CACNB4: variants seen among roughly 807,000 people sequenced by gnomAD.
The protein encoded by CACNB4 is voltage-dependent L-type calcium channel subunit beta-4.
Under a neutral mutation model 71.2 loss-of-function variants are expected in CACNB4, and 32 were observed. That is an observed-to-expected ratio of 0.45 (90% CI 0.34 to 0.60). The LOEUF (loss-of-function observed/expected upper bound fraction) is 0.60, where lower values mean the gene tolerates loss of function less well. CACNB4 is among the 20% of genes least tolerant of loss of function. CACNB4 has a pLI of 0.01. For missense variants in CACNB4, 464 were observed against 647.9 expected (o/e 0.72, Z 3.08); for synonymous variants, 231 against 236.9 (o/e 0.97, Z 0.23).
chr2:151,875,741 G>A (rs2099845942), intron 5 of CACNB4, among the ~76,000 whole-genome samples: 1 of 102,344 alleles, frequency 9.8e-6, no homozygotes, highest in South Asian at 4.2e-4. Flanking sequence ...CCCAGTAGGG[G>A]CGGCCGGGCA....
chr2:151,883,254 T>C lies in CACNB4; in HGVS notation c.264A>G (p.Ala88=). 6.2e-7 allele frequency: 1 copy of C among 1,613,958 alleles called. No homozygotes were observed. Among genetic ancestry groups the C allele is most frequent in the Non-Finnish European group, 8.5e-7 (1 of 1,179,838 alleles). The change falls in exon 3 of 14, where the codon GCA becomes GCG. Residue 88 remains alanine, a synonymous_variant. Coordinates refer to ENST00000539935, the MANE Select transcript of CACNB4 (RefSeq NM_000726.5). ...EQQAAIQLER[A]KSKPVAFAVK... ...AAAGAGAAGGAAAGAGACTCACCTT[T>C]GCTCTCTCAAGCTGGATAGCTGCTT...
rs70974816 is a variant in CACNB4, at chr2:152,001,526, T to TA, written c.147+96803dup. 6.8e-3 allele frequency among the ~76,000 whole-genome samples: 242 copies of TA among 35,484 alleles called. 26 individuals are homozygous for TA. The highest frequency in any genetic ancestry group is 0.012 in the South Asian group (5 of 434). The allele number at this position is 35,484 out of a possible 152,430, so 23.3% of individuals were successfully genotyped here. A position where few individuals can be genotyped will look rare whatever the true frequency, so the allele number is the denominator to read the frequency against. On this transcript the variant is annotated intron_variant, in intron 2 of 13. Coordinates refer to ENST00000539935, the MANE Select transcript of CACNB4 (RefSeq NM_000726.5). ...CAACATGGTGAAACCCCATCTCTACTAAAAAAAAAAAAAAAAAAAAAAAAA... is the reference window on the plus strand; with the variant it reads ...CAACATGGTGAAACCCCATCTCTACTAAAAAAAAAAAAAAAAAAAAAAAAAA...
At chr2:151,944,903 T>G (rs1020900449) in intron 2 of CACNB4, among the ~76,000 whole-genome samples, 2 of 152,180 alleles carry the variant, frequency 1.3e-5, no homozygotes, top group African/African-American at 4.8e-5. Flanking sequence ...GTAGCAGTAA[T>G]CCAGTTGTGA....
chr2:151,964,915 G>T (rs2099870665), intron 2 of CACNB4, among the ~76,000 whole-genome samples: 1 of 145,994 alleles, frequency 6.8e-6, no homozygotes, highest in African/African-American at 2.6e-5. Context: ...TTCACAAAGG[G>T]CCCTGTGCAT....
At chr2:151,936,600 T>G (rs551264402) in intron 2 of CACNB4, among the ~76,000 whole-genome samples, 1 of 152,376 alleles carries the variant, frequency 6.6e-6, no homozygotes, top group African/African-American at 2.4e-5. Context: ...GTGCCTCGGA[T>G]GTCCTGTGGT....
intron 2 of CACNB4, among the ~76,000 whole-genome samples, chr2:151,986,275 T>G (rs1579076227): frequency 1.3e-5 from 2 of 152,336 alleles, no homozygotes; most frequent in East Asian, 3.9e-4. Flanking sequence ...CTGATATGCC[T>G]TTTACTTATA....
chr2:151,901,585 CAAAA>C lies in CACNB4; in HGVS notation c.148-18219_148-18216del, dbSNP rs376258449. Among the ~76,000 whole-genome samples the C allele has an allele frequency of 4.1e-3, 624 of 151,670 alleles. 5 individuals are homozygous for C. Among genetic ancestry groups the C allele is most frequent in the African/African-American group, 0.014 (586 of 41,364 alleles). On this transcript the variant is annotated intron_variant, in intron 2 of 13. Coordinates refer to ENST00000539935, the MANE Select transcript of CACNB4 (RefSeq NM_000726.5). Reference sequence around the variant, plus strand: ...TTAGAAAAAAAACAAAACAAACAAACAAAAAAAACCTCCTTACTAGAAAAGATCA... The same window carrying C: ...TTAGAAAAAAAACAAAACAAACAAACAAAACCTCCTTACTAGAAAAGATCA...
intron 12 of CACNB4, 85 bp from the exon 13 acceptor site, chr2:151,842,173 C>G: frequency 9.0e-7 from 1 of 1,109,668 alleles, no homozygotes; most frequent in Non-Finnish European, 1.3e-6. Context: ...CAGATAATAG[C>G]ATTTTTAATA....
chr2:151,857,379 C>A (rs1026868470), intron 10 of CACNB4: 2 of 152,196 alleles, frequency 1.3e-5, no homozygotes, highest in Admixed American at 6.5e-5. Flanking sequence ...GGAAAGGTGA[C>A]TAGCTTTCAG....
intron 2 of CACNB4, among the ~76,000 whole-genome samples, chr2:151,974,387 T>C (rs883170): frequency 0.061 from 9,292 of 152,006 alleles, 555 homozygotes; most frequent in Admixed American, 0.19. Context: ...AAGAAAAAAA[T>C]GACTAGAATA....
chr2:151,996,514 GCT>G (rs1682056046), intron 2 of CACNB4, among the ~76,000 whole-genome samples: 1 of 151,056 alleles, frequency 6.6e-6, no homozygotes, highest in Admixed American at 6.6e-5. Context: ...GAACTCAGAA[GCT>G]CTTAGTCTTA....
At chr2:152,088,294 TG>T (rs1687778629) in intron 2 of CACNB4, among the ~76,000 whole-genome samples, 1 of 152,102 alleles carries the variant, frequency 6.6e-6, no homozygotes, top group Admixed American at 6.6e-5. Flanking sequence ...GCAATAGCAT[TG>T]GGCCATTTAA....
intron 2 of CACNB4, among the ~76,000 whole-genome samples, chr2:151,933,369 C>T (rs189171495): frequency 2.0e-5 from 3 of 151,892 alleles, no homozygotes; most frequent in Non-Finnish European, 4.4e-5. Context: ...GCATCCTGAC[C>T]ATGTCTCACT....
chr2:151,971,203 AG>A, intron 2 of CACNB4: 1 of 353,494 alleles, frequency 2.8e-6, no homozygotes, highest in South Asian at 4.1e-5. Flanking sequence ...TGGGGATGTG[AG>A]GTGCTAACAG....
chr2:151,960,858 A>C (rs904995393), intron 2 of CACNB4, among the ~76,000 whole-genome samples: 1 of 152,240 alleles, frequency 6.6e-6, no homozygotes, highest in Admixed American at 6.5e-5. Flanking sequence ...AGACACTCCC[A>C]AAATTTCTAA....
In CACNB4 at chr2:151,837,573, T is replaced by C. The variant is rs979446499; in HGVS notation, c.*1546A>G. ...AAAAGAACTTTTATGGCTGGACTTA[T>C]TGGGGTTTTAGAAAATGCATGCACT... On this transcript the variant is annotated 3_prime_UTR_variant, in exon 14 of 14. Transcript: ENST00000539935. The C allele has an allele frequency of 2.0e-5, 3 of 152,052 alleles. No individual in the cohort carries two copies. Among genetic ancestry groups the C allele is most frequent in the Non-Finnish European group, 2.9e-5 (2 of 67,956 alleles). The allele number at this position is 152,052 out of a possible 1,614,324, so 9.4% of individuals were successfully genotyped here.
Position 151,839,093 on chromosome 2 carries a change from G to A in CACNB4, c.*26C>T, listed in dbSNP as rs773856565. On this transcript the variant is annotated 3_prime_UTR_variant, in exon 14 of 14. Coordinates refer to ENST00000539935, the MANE Select transcript of CACNB4 (RefSeq NM_000726.5). ...GCACTGCTATGGCAAATTGTCAACA[G>A]ATGAATATTTTTTGTTTCATTAGAC... 1 of 1,595,532 alleles carries A rather than the reference G, an allele frequency of 6.3e-7. No homozygotes were observed. The highest frequency in any genetic ancestry group is 8.6e-7 in the Non-Finnish European group (1 of 1,167,708).
chr2:151,886,114 A>C (rs1422302230), intron 2 of CACNB4, among the ~76,000 whole-genome samples: 1 of 152,032 alleles, frequency 6.6e-6, no homozygotes. Flanking sequence ...TGCCTGACCC[A>C]GTGTTTCTAA....
intron 2 of CACNB4, among the ~76,000 whole-genome samples, chr2:152,038,099 C>T (rs1318936369): frequency 1.3e-5 from 2 of 152,248 alleles, no homozygotes; most frequent in African/African-American, 4.8e-5. Context: ...TGGGATCTAC[C>T]ATGCTGTATT....
Sources: gnomAD v4.1 joint callset for allele counts (sites outside exome capture counted in the v4.1 genomes callset) on GRCh38, gnomAD v4.1.1 for gene constraint, MANE v1.5 for transcripts, NCBI Gene and HGNC (gene_info 2026-07-23, HGNC 2026-07-21) for gene names.